The following SORBS2 variants were observed in gnomAD, a reference collection of about 807,000 sequenced individuals.
SORBS2 encodes sorbin and SH3 domain-containing protein 2.
In SORBS2, 46 loss-of-function variants were observed where a neutral mutation model predicts 97.7. The observed-to-expected ratio is 0.47, with a 90% confidence interval of 0.37 to 0.60. The LOEUF (loss-of-function observed/expected upper bound fraction) is 0.60, where lower values mean the gene tolerates loss of function less well. Among genes scored for constraint, SORBS2 ranks in the 20% least tolerant of loss-of-function variants. SORBS2 has a pLI of 0.00. For synonymous variants in SORBS2, 476 were observed against 473.4 expected (o/e 1.01, Z -0.07); for missense variants, 1,316 against 1,282.3 (o/e 1.03, Z -0.40).
chr4:185,622,279 T>C (rs557652191), intron 7 of SORBS2, among the ~76,000 whole-genome samples: 193 of 152,292 alleles, frequency 1.3e-3, no homozygotes, highest in Admixed American at 1.8e-3. Flanking sequence ...AATTAAGTAA[T>C]GGAAAAGAGA....
chr4:185,906,057 G>A (rs186566792), intron 1 of SORBS2, among the ~76,000 whole-genome samples: 8 of 151,866 alleles, frequency 5.3e-5, no homozygotes, highest in African/African-American at 1.9e-4. Flanking sequence ...TTTTTGAGAC[G>A]GAGTCTCGCT....
intron 2 of SORBS2, among the ~76,000 whole-genome samples, chr4:185,717,171 G>C (rs1461960915): frequency 9.9e-5 from 15 of 152,218 alleles, no homozygotes; most frequent in Admixed American, 9.8e-4. Flanking sequence ...TGGAAGTGAA[G>C]TGCACCCACA....
intron 2 of SORBS2, among the ~76,000 whole-genome samples, chr4:185,748,670 A>G (rs896951731): frequency 1.3e-5 from 2 of 152,246 alleles, no homozygotes; most frequent in African/African-American, 4.8e-5. Context: ...TAAGGTTGAT[A>G]TGTTAACTAC....
At chr4:185,858,151 G>A (rs1287699674) in intron 1 of SORBS2, among the ~76,000 whole-genome samples, 1 of 152,104 alleles carries the variant, frequency 6.6e-6, no homozygotes, top group Admixed American at 6.5e-5. Flanking sequence ...TTCTCTCTTT[G>A]TACTCTTTCT....
At chr4:185,620,005 G>A in intron 8 of SORBS2, 58 bp downstream of exon 20, 1 of 1,052,986 alleles carries the variant, frequency 9.5e-7, no homozygotes, top group Non-Finnish European at 1.5e-6. Context: ...TTTTTGGCTG[G>A]TAAGTGCTGT....
chr4:185,947,910 C>A (rs1460283732), intron 1 of SORBS2, among the ~76,000 whole-genome samples: 27 of 149,080 alleles, frequency 1.8e-4, no homozygotes, highest in Admixed American at 1.8e-3. Flanking sequence ...TACGCCCCGC[C>A]CTCTTGAGAT....
intron 1 of SORBS2, among the ~76,000 whole-genome samples, chr4:185,827,134 AT>A (rs2099200612): frequency 6.8e-6 from 1 of 148,144 alleles, no homozygotes; most frequent in African/African-American, 2.5e-5. Flanking sequence ...CATCATCATC[AT>A]CATCACCATT....
intron 1 of SORBS2, among the ~76,000 whole-genome samples, chr4:185,841,379 C>T (rs909410273): frequency 2.6e-5 from 4 of 152,072 alleles, no homozygotes; most frequent in African/African-American, 9.7e-5. Context: ...TGGGTAAAAT[C>T]GATTGCACTT....
chr4:185,690,529 G>A, intron 2 of SORBS2, 33 bp downstream of exon 4: 5 of 1,458,724 alleles, frequency 3.4e-6, no homozygotes, highest in Non-Finnish European at 4.7e-6. Flanking sequence ...AGAGAGCAAG[G>A]CTAAAAGAGT....
intron 11 of SORBS2, among the ~76,000 whole-genome samples, chr4:185,612,489 CTA>C (rs367556705): frequency 0.055 from 7,909 of 143,974 alleles, 257 homozygotes; most frequent in Non-Finnish European, 0.079. Flanking sequence ...TTTTTTATTT[CTA>C]TTTTTTTTTT....
intron 2 of SORBS2, among the ~76,000 whole-genome samples, chr4:185,734,931 T>A (rs2098673285): frequency 6.6e-6 from 1 of 152,266 alleles, no homozygotes; most frequent in South Asian, 2.1e-4. Context: ...TGTTGCAGAC[T>A]CTTTTCACTA....
intron 2 of SORBS2, among the ~76,000 whole-genome samples, chr4:185,750,715 G>T (rs1463303956): frequency 6.6e-6 from 1 of 152,282 alleles, no homozygotes. Flanking sequence ...AGAATAAAAT[G>T]CTCCCTTTGG....
chr4:185,652,898 T>C (rs980713703), intron 1 of SORBS2, among the ~76,000 whole-genome samples, 170 bp from the exon 10 acceptor site: 2 of 152,238 alleles, frequency 1.3e-5, no homozygotes, highest in African/African-American at 2.4e-5. Context: ...TACTTAGTTA[T>C]GTGTGCAGTT....
At chr4:185,797,170 C>T (rs1039242) in intron 1 of SORBS2, among the ~76,000 whole-genome samples, 133,088 of 152,176 alleles carry the variant, frequency 0.87, 58,191 homozygotes, top group East Asian at 0.95. Context: ...GCTGTCTGTG[C>T]CGAAGACTGT....
At chr4:185,617,558 T>A (rs992446208) in intron 9 of SORBS2, among the ~76,000 whole-genome samples, 1 of 152,090 alleles carries the variant, frequency 6.6e-6, no homozygotes, top group East Asian at 1.9e-4. Flanking sequence ...AAACAACATA[T>A]AATAATTTAA....
At chr4:185,714,363 A>C (rs1303507258) in intron 2 of SORBS2, among the ~76,000 whole-genome samples, 1 of 152,186 alleles carries the variant, frequency 6.6e-6, no homozygotes, top group Non-Finnish European at 1.5e-5. Flanking sequence ...CCAGGTTTAT[A>C]TACTGAGTTT....
At chr4:185,771,764 C>T (rs1278254386) in intron 2 of SORBS2, 1 of 152,034 alleles carries the variant, frequency 6.6e-6, no homozygotes. Context: ...TTAGTGAGGC[C>T]ACACATTCAT....
At chr4:185,664,983 G>A (rs1449421470) in intron 4 of SORBS2, among the ~76,000 whole-genome samples, 1 of 151,966 alleles carries the variant, frequency 6.6e-6, no homozygotes, top group Non-Finnish European at 1.5e-5. Flanking sequence ...AAACATTTTA[G>A]CCATTCACAG....
At chr4:185,671,675 A>C (rs532630095) in intron 4 of SORBS2, among the ~76,000 whole-genome samples, 1 of 152,376 alleles carries the variant, frequency 6.6e-6, no homozygotes, top group African/African-American at 2.4e-5. Flanking sequence ...AGGGAAGAGA[A>C]GGATCACGTG....
Sources: allele counts gnomAD v4.1 joint callset (sites outside exome capture counted in the v4.1 genomes callset), GRCh38; gene constraint gnomAD v4.1.1; transcripts MANE v1.5; gene names NCBI Gene and HGNC (gene_info 2026-07-23, HGNC 2026-07-21).